The following DOHH variants were observed in gnomAD, a reference collection of about 807,000 sequenced individuals.
DOHH encodes deoxyhypusine hydroxylase, also known as HEAT-like (PBS lyase) repeat containing 1.
A neutral mutation model predicts 19.9 loss-of-function variants in DOHH; 16 were observed. The observed-to-expected ratio is 0.80, with a 90% CI of 0.54 to 1.22. The LOEUF (loss-of-function observed/expected upper bound fraction) is 1.22, where lower values mean the gene tolerates loss of function less well. Ranked by LOEUF, DOHH falls within the 50% of genes most tolerant of loss-of-function variation. The pLI is 0.00. For synonymous variants in DOHH, 233 were observed against 217.0 expected (o/e 1.07, Z -0.65); for missense variants, 460 against 460.6 (o/e 1.00, Z 0.01).
intron 1 of DOHH, 107 bp downstream of exon 1, chr19:3,500,454 A>C (rs1194264173): frequency 1.3e-5 from 2 of 152,214 alleles, no homozygotes; most frequent in Non-Finnish European, 2.9e-5. Context: ...CGCCCCATCC[A>C]CAGTCAACGA....
At chr19:3,492,208 T>A (rs1333126767) in intron 4 of DOHH, 54 bp downstream of exon 4, 1 of 1,390,168 alleles carries the variant, frequency 7.2e-7, no homozygotes. Flanking sequence ...ATGCCATCAC[T>A]GAACCTCACA....
Position 3,496,252 on chromosome 19 carries a change from T to C in DOHH, c.274+289A>G, listed in dbSNP as rs552885635. Among the ~76,000 whole-genome samples, 1 of 152,268 alleles carries C rather than the reference T, an allele frequency of 6.6e-6. No individual in the cohort carries two copies. The highest frequency in any genetic ancestry group is 2.4e-5 in the African/African-American group (1 of 41,554). ...GTCTTGAACTCCTGAGTTCAAACGA[T>C]CCACCTTCCTGGGCCTCCCAAAGTG... On this transcript the variant is annotated intron_variant, in intron 2 of 4. Transcript: ENST00000427575. This position sits in a 1 kb window ranked among gnomAD's most constrained non-coding sequence, Gnocchi z 4.8.
In DOHH at chr19:3,491,355, A is replaced by T; in HGVS notation, c.*137T>A. 1.1e-6 allele frequency: 1 copy of T among 914,906 alleles called. No individual in the cohort carries two copies. The highest frequency in any genetic ancestry group is 1.6e-6 in the Non-Finnish European group (1 of 618,910). 56.7% of individuals were successfully genotyped at this position (914,906 alleles called of 1,614,324 possible). A position where few individuals can be genotyped will look rare whatever the true frequency, so the allele number is the denominator to read the frequency against. On this transcript the variant is annotated 3_prime_UTR_variant, in exon 5 of 5. Transcript: ENST00000427575. This position sits in a 1 kb window ranked among gnomAD's most constrained non-coding sequence, Gnocchi z 5.6. ...GCAGCTCCTCGGTCCCAGACGGAGGAGGGGGACAGCAACCATGCGCCCAGC... is the reference window on the plus strand; with the variant it reads ...GCAGCTCCTCGGTCCCAGACGGAGGTGGGGGACAGCAACCATGCGCCCAGC...
In DOHH at chr19:3,491,503, C is replaced by A; in HGVS notation, c.898G>T (p.Ala300Ser). ...YADGLEQLRG[A>S]PS is the part of the protein sequence containing the mutation. ...GTGAGGGTGGGGCCCTAGGAGGGGGCCCCGCGCAGCTGCTCCAGGCCGTCC... is the reference window on the plus strand; with the variant it reads ...GTGAGGGTGGGGCCCTAGGAGGGGGACCCGCGCAGCTGCTCCAGGCCGTCC... The change falls in exon 5 of 5, where the codon GCC (alanine) becomes TCC (serine). Residue 300 changes from alanine (A) to serine (S), a missense_variant. By Grantham distance (99) the Ala-to-Ser change is moderately conservative. Coordinates refer to ENST00000427575, the MANE Select transcript of DOHH (RefSeq NM_001145165.2). The surrounding 1 kb of genome is among the most constrained non-coding windows in gnomAD (Gnocchi z 5.6). 6.5e-7 allele frequency: 1 copy of A among 1,533,918 alleles called. No homozygotes were observed. The highest frequency in any genetic ancestry group is 8.7e-7 in the Non-Finnish European group (1 of 1,146,202).
intron 4 of DOHH, among the ~76,000 whole-genome samples, chr19:3,492,040 C>T (rs1326245002): frequency 6.6e-6 from 1 of 152,170 alleles, no homozygotes; most frequent in Admixed American, 6.5e-5. Flanking sequence ...ATTAGGGATG[C>T]CCGGGGGAAC....
At chr19:3,493,138 G>A (rs1169677943) in intron 3 of DOHH, among the ~76,000 whole-genome samples, 1 of 151,536 alleles carries the variant, frequency 6.6e-6, no homozygotes, top group African/African-American at 2.4e-5. Context: ...TCCACACCAC[G>A]GAACGTGACT....
chr19:3,498,085 C>G (rs147790297), intron 1 of DOHH, among the ~76,000 whole-genome samples: 2 of 152,206 alleles, frequency 1.3e-5, no homozygotes, highest in East Asian at 1.9e-4. Context: ...CATCTCCCAT[C>G]ACCTCTTCCC....
Position 3,491,568 on chromosome 19 carries a change from T to A in DOHH, c.833A>T (p.Asp278Val), listed in dbSNP as rs2082869796. 2 of 1,535,924 alleles carry A rather than the reference T, an allele frequency of 1.3e-6. No homozygotes were observed. Among genetic ancestry groups the A allele is most frequent in the Non-Finnish European group, 8.7e-7 (1 of 1,146,730 alleles). ...VVRESCEVAL[D>V]MYEHETGRAF... is the part of the protein sequence containing the mutation. ...CCGCCCGGTCTCGTGCTCATACATG[T>A]CCAGAGCCACCTCGCAGCTCTCACG... is the stretch of plus-strand genomic sequence containing the variant. Residue 278 changes from aspartate to valine, a missense_variant, in exon 5 of 5, where the codon GAC (aspartate) becomes GTC (valine). Physicochemically the swap from Asp to Val is radical, Grantham distance 152 (BLOSUM62 -3). Coordinates refer to ENST00000427575, the MANE Select transcript of DOHH (RefSeq NM_001145165.2). This position sits in a 1 kb window ranked among gnomAD's most constrained non-coding sequence, Gnocchi z 5.6.
Position 3,496,739 on chromosome 19 carries a change from G to A in DOHH, c.76C>T (p.Arg26Trp), listed in dbSNP as rs765369562. 1.7e-5 allele frequency: 28 copies of A among 1,612,080 alleles called. No individual in the cohort carries two copies. Among genetic ancestry groups the A allele is most frequent in the Admixed American group, 3.3e-5 (2 of 59,986 alleles). The change falls in exon 2 of 5, where the codon CGG becomes TGG. Residue 26 changes from arginine (R) to tryptophan (W), a missense_variant. Physicochemically the swap from Arg to Trp is moderately radical, Grantham distance 101. Transcript: ENST00000427575. This position sits in a 1 kb window ranked among gnomAD's most constrained non-coding sequence, Gnocchi z 4.8. ...AGCCCACGCAGCGTGAACAGCGCCC[G>A]GAAGCGGGCCTGCAGGGGCTGCTTG... The part of the protein sequence containing the change: ...DPKQPLQARF[R>W]ALFTLRGLGG...
At position 3,494,032 on chromosome 19, in the gene DOHH, A is replaced by G. The variant is rs368267577; in HGVS notation, c.347T>C (p.Ile116Thr). 1.9e-6 allele frequency: 3 copies of G among 1,613,176 alleles called. No individual in the cohort carries two copies. Among genetic ancestry groups the G allele is most frequent in the Non-Finnish European group, 2.5e-6 (3 of 1,179,456 alleles). ...GACAAGCAGGGGCCTGGTTACCTCGATGACGGGGTCCGAGGAATACTGCTT... is the reference window on the plus strand; with the variant it reads ...GACAAGCAGGGGCCTGGTTACCTCGGTGACGGGGTCCGAGGAATACTGCTT... ...ILKQYSSDPV[I>T]EVAETCQLAV... The change falls in exon 3 of 5, where the codon ATC becomes ACC. Residue 116 changes from isoleucine (I) to threonine (T), a missense_variant. Physicochemically the swap from Ile to Thr is moderately conservative, Grantham distance 89. Transcript: ENST00000427575.
Position 3,495,091 on chromosome 19 carries a change from G to T in DOHH, c.275-987C>A, listed in dbSNP as rs367700669. Among the ~76,000 whole-genome samples the T allele has an allele frequency of 3.4e-4, 52 of 152,076 alleles. 1 individual carries two copies. Among genetic ancestry groups the T allele is most frequent in the African/African-American group, 1.2e-3 (51 of 41,490 alleles). Reference sequence around the variant, plus strand: ...GGGTTCAAGTGATTCTCCTGCCTCAGCCTCCCAAAGTAGCTGGGATTACAG... The same window carrying T: ...GGGTTCAAGTGATTCTCCTGCCTCATCCTCCCAAAGTAGCTGGGATTACAG... On this transcript the variant is annotated intron_variant, in intron 2 of 4. Transcript: ENST00000427575.
chr19:3,499,878 A>T (rs1264061811), intron 1 of DOHH, among the ~76,000 whole-genome samples: 4 of 152,188 alleles, frequency 2.6e-5, no homozygotes, highest in Non-Finnish European at 5.9e-5. Context: ...TCATTAATTC[A>T]TTCGATCTAC....
intron 1 of DOHH, among the ~76,000 whole-genome samples, chr19:3,498,216 G>C (rs2122073250): frequency 6.6e-6 from 1 of 152,172 alleles, no homozygotes; most frequent in Middle Eastern, 3.4e-3. Context: ...TTCCCTAGAT[G>C]TCCCCACGTA....
At chr19:3,494,333 A>C (rs1452174545) in intron 2 of DOHH, among the ~76,000 whole-genome samples, 1 of 152,176 alleles carries the variant, frequency 6.6e-6, no homozygotes, top group Non-Finnish European at 1.5e-5. Flanking sequence ...GCTGCCGCTC[A>C]GAGCAAAATG....
In DOHH at chr19:3,491,874, G is replaced by T; in HGVS notation, c.590-63C>A. ...GTGGGAAGGGGAGCTCTGTCTTTTC[G>T]AAGACATGGGGTCTTGCTATCTTGC... On this transcript the variant is annotated intron_variant, in intron 4 of 4. Coordinates refer to ENST00000427575, the MANE Select transcript of DOHH (RefSeq NM_001145165.2). The surrounding 1 kb of genome is among the most constrained non-coding windows in gnomAD (Gnocchi z 5.6). The T allele has an allele frequency of 7.3e-7, 1 of 1,363,588 alleles. No individual in the cohort carries two copies. The highest frequency in any genetic ancestry group is 1.6e-5 in the South Asian group (1 of 63,426). The allele number at this position is 1,363,588 out of a possible 1,614,324, so 84.5% of individuals were successfully genotyped here. A position where few individuals can be genotyped will look rare whatever the true frequency, so the allele number is the denominator to read the frequency against.
chr19:3,500,350 G>A (rs377716092), intron 1 of DOHH, among the ~76,000 whole-genome samples: 17 of 152,184 alleles, frequency 1.1e-4, no homozygotes, highest in East Asian at 1.9e-4. Flanking sequence ...AGACCCAACC[G>A]TACGACATAG....
chr19:3,495,677 A>G (rs550888659), intron 2 of DOHH, among the ~76,000 whole-genome samples: 1 of 152,274 alleles, frequency 6.6e-6, no homozygotes, highest in Admixed American at 6.5e-5. Flanking sequence ...TGGGAGGCCG[A>G]GGCAGGTGGA....
At chr19:3,498,192 C>A (rs1314194530) in intron 1 of DOHH, among the ~76,000 whole-genome samples, 1 of 152,156 alleles carries the variant, frequency 6.6e-6, no homozygotes, top group Non-Finnish European at 1.5e-5. Context: ...CTGTGATCTC[C>A]ATGAGGAACA....
intron 2 of DOHH, among the ~76,000 whole-genome samples, chr19:3,494,492 G>A (rs2122060078): frequency 6.6e-6 from 1 of 152,336 alleles, no homozygotes; most frequent in East Asian, 1.9e-4. Flanking sequence ...GGGCGACAGA[G>A]TGAGACCCTG....
Sources: gnomAD v4.1 joint callset for allele counts (sites outside exome capture counted in the v4.1 genomes callset) on GRCh38, gnomAD v4.1.1 for gene constraint, Gnocchi (gnomAD v3.1) non-coding constraint, MANE v1.5 for transcripts, NCBI Gene and HGNC (gene_info 2026-07-23, HGNC 2026-07-21) for gene names.